GSG1L: variants seen among roughly 807,000 people sequenced by gnomAD.
The protein encoded by GSG1L is germ cell-specific gene 1-like protein.
A neutral mutation model predicts 42.1 loss-of-function variants in GSG1L; 24 were observed. That is an observed-to-expected ratio of 0.57 (90% CI 0.41 to 0.80). The LOEUF (loss-of-function observed/expected upper bound fraction) is 0.80, where lower values mean the gene tolerates loss of function less well. Among genes scored for constraint, GSG1L ranks in the 30% least tolerant of loss-of-function variants. The pLI is 0.00. For missense variants in GSG1L, 445 were observed against 472.2 expected (o/e 0.94, Z 0.53); for synonymous variants, 215 against 203.5 (o/e 1.06, Z -0.48).
At chr16:28,013,217 C>CT (rs2085743608) in intron 1 of GSG1L, among the ~76,000 whole-genome samples, 1 of 60,482 alleles carries the variant, frequency 1.7e-5, no homozygotes, top group Non-Finnish European at 3.9e-5. Context: ...AAAACTCTGA[C>CT]TCAAAAAAAA....
At chr16:27,940,622 A>G (rs1386687833) in intron 2 of GSG1L, among the ~76,000 whole-genome samples, 5 of 99,188 alleles carry the variant, frequency 5.0e-5, no homozygotes, top group Non-Finnish European at 9.0e-5. Context: ...CAAACACCGC[A>G]TATTCTCACT....
At chr16:27,809,360 A>G (rs2083004270) in intron 5 of GSG1L, among the ~76,000 whole-genome samples, 1 of 152,036 alleles carries the variant, frequency 6.6e-6, no homozygotes, top group African/African-American at 2.4e-5. Flanking sequence ...CCATGATTAT[A>G]CCACTGCACT....
chr16:27,909,610 C>T (rs1268532271), intron 2 of GSG1L, among the ~76,000 whole-genome samples: 6 of 149,168 alleles, frequency 4.0e-5, no homozygotes, highest in Non-Finnish European at 1.5e-5. Context: ...AACCAAACAC[C>T]TGCATGACTC....
At chr16:27,803,790 T>TATAG (rs1567460407) in intron 6 of GSG1L, among the ~76,000 whole-genome samples, 7,973 of 109,644 alleles carry the variant, frequency 0.073, 341 homozygotes, top group Non-Finnish European at 0.1. Context: ...TATATATATA[T>TATAG]ATATAGATAG....
intron 5 of GSG1L, among the ~76,000 whole-genome samples, chr16:27,813,293 A>G (rs946483118): frequency 5.7e-5 from 7 of 122,052 alleles, no homozygotes; most frequent in African/African-American, 1.9e-4. Flanking sequence ...CTCATCATTT[A>G]GCTCTCACTT....
chr16:28,046,575 C>T (rs576792751), intron 1 of GSG1L, among the ~76,000 whole-genome samples: 117 of 152,092 alleles, frequency 7.7e-4, no homozygotes, highest in African/African-American at 2.7e-3. Context: ...AGGATGGTCT[C>T]GATCTCCTGA....
At chr16:27,969,453 G>A (rs1352112353) in intron 1 of GSG1L, among the ~76,000 whole-genome samples, 1 of 152,090 alleles carries the variant, frequency 6.6e-6, no homozygotes, top group South Asian at 2.1e-4. Flanking sequence ...TCATATAAAT[G>A]GAATTATATA....
At chr16:27,988,983 G>A (rs1398046550) in intron 1 of GSG1L, among the ~76,000 whole-genome samples, 1 of 150,754 alleles carries the variant, frequency 6.6e-6, no homozygotes, top group Non-Finnish European at 1.5e-5. Flanking sequence ...AACCCGGGAG[G>A]CGGATGTTGC....
At chr16:27,948,735 G>A (rs931839990) in intron 2 of GSG1L, among the ~76,000 whole-genome samples, 2 of 149,616 alleles carry the variant, frequency 1.3e-5, no homozygotes, top group African/African-American at 4.9e-5. Flanking sequence ...TCAGCCTCCC[G>A]AGTAGCTGGG....
At chr16:27,947,384 AAAAGAAAGAAAGAAAGAAAGAAAGAAAG>A (rs199991139) in intron 2 of GSG1L, among the ~76,000 whole-genome samples, 1,489 of 130,766 alleles carry the variant, frequency 0.011, 35 homozygotes, top group African/African-American at 0.041. Context: ...GAAAGAAAGA[AAAAGAAAGAAAGAAAGAAAGAAAGAAAG>A]AAAGAAAGAA....
intron 3 of GSG1L, among the ~76,000 whole-genome samples, chr16:27,879,560 AGCT>A (rs1260992606): frequency 1.3e-5 from 2 of 152,224 alleles, no homozygotes; most frequent in African/African-American, 2.4e-5. Context: ...CACTGCAGTG[AGCT>A]GTGATTGTGC....
At position 28,040,926 on chromosome 16, in the gene GSG1L, A is replaced by G. The variant is rs2086098617; in HGVS notation, c.349+22150T>C. ...CCACAGCAGCAAATGTGTGCTGTGC[A>G]CTGAGCCTGTGCCAAGTGCTAGGGT... On this transcript the variant is annotated intron_variant, in intron 1 of 6. Coordinates refer to ENST00000447459, the MANE Select transcript of GSG1L (RefSeq NM_001109763.2). The surrounding 1 kb of genome is among the most constrained non-coding windows in gnomAD (Gnocchi z 4.1). Among the ~76,000 whole-genome samples the G allele has an allele frequency of 1.3e-5, 2 of 152,220 alleles. No homozygotes were observed. Among genetic ancestry groups the G allele is most frequent in the Admixed American group, 1.3e-4 (2 of 15,286 alleles).
At position 27,880,477 on chromosome 16, in the gene GSG1L, G is replaced by A. The variant is rs537111470; in HGVS notation, c.550+4009C>T. On this transcript the variant is annotated intron_variant, in intron 3 of 6. Transcript: ENST00000447459. ...AGAGCACAGGGCTTTGAAGCCAACT[G>A]GAGCTGGGTTTAATCCCAGCTCTGC... Among the ~76,000 whole-genome samples the A allele has an allele frequency of 1.2e-4, 18 of 152,288 alleles. No homozygotes were observed. The South Asian group carries it at 3.5e-3, about 30-fold the overall frequency.
At chr16:27,909,297 C>T (rs969985651) in intron 2 of GSG1L, among the ~76,000 whole-genome samples, 2 of 152,056 alleles carry the variant, frequency 1.3e-5, no homozygotes, top group African/African-American at 4.8e-5. Context: ...TGGACTAGGC[C>T]AGAGGGAACA....
intron 1 of GSG1L, among the ~76,000 whole-genome samples, chr16:28,018,620 G>A (rs2085805839): frequency 6.6e-6 from 1 of 152,084 alleles, no homozygotes; most frequent in African/African-American, 2.4e-5. Flanking sequence ...TTGTCAGGTA[G>A]ACAAGGAAGA....
chr16:28,010,242 A>G (rs1250440404), intron 1 of GSG1L, among the ~76,000 whole-genome samples: 2 of 152,092 alleles, frequency 1.3e-5, no homozygotes, highest in Non-Finnish European at 2.9e-5. Context: ...TTTGAGAGGG[A>G]TTTGTCTCTA....
intron 3 of GSG1L, among the ~76,000 whole-genome samples, chr16:27,856,914 A>T (rs567885360): frequency 6.6e-6 from 1 of 152,274 alleles, no homozygotes; most frequent in East Asian, 1.9e-4. Context: ...AGTGTCCCTG[A>T]CAGGCCTGGG....
intron 2 of GSG1L, among the ~76,000 whole-genome samples, chr16:27,888,410 T>C (rs1271235842): frequency 2.3e-4 from 3 of 13,082 alleles, no homozygotes; most frequent in East Asian, 1.4e-3. Flanking sequence ...CCTTCTTTCT[T>C]TCTTTCTTTC....
intron 5 of GSG1L, among the ~76,000 whole-genome samples, chr16:27,821,648 C>G (rs1431272641): frequency 6.6e-6 from 1 of 152,102 alleles, no homozygotes; most frequent in Non-Finnish European, 1.5e-5. Context: ...CACCTGTAAT[C>G]CCAGCACTTT....
Sources: allele counts gnomAD v4.1 joint callset (sites outside exome capture counted in the v4.1 genomes callset), GRCh38; gene constraint gnomAD v4.1.1; non-coding constraint Gnocchi (gnomAD v3.1); transcripts MANE v1.5; gene names NCBI Gene and HGNC (gene_info 2026-07-23, HGNC 2026-07-21).